MOXD1: variants seen among roughly 807,000 people sequenced by gnomAD.
The protein encoded by MOXD1 is monooxygenase DBH like 1, also known as DBH-like monooxygenase protein 1.
MOXD1 carries 62 observed loss-of-function variants against 66.6 expected under a neutral mutation model. The observed-to-expected ratio is 0.93, with a 90% CI of 0.76 to 1.15. The LOEUF is 1.15. MOXD1 is among the 50% of genes most tolerant of loss of function. MOXD1 has a pLI of 0.00. For synonymous variants in MOXD1, 303 were observed against 281.9 expected (o/e 1.07, Z -0.75); for missense variants, 847 against 754.6 (o/e 1.12, Z -1.44).
intron 1 of MOXD1, among the ~76,000 whole-genome samples, chr6:132,385,463 TTA>T (rs1477306003): frequency 1.2e-5 from 1 of 85,674 alleles, no homozygotes; most frequent in African/African-American, 9.7e-5. Context: ...TATACTGAAA[TTA>T]TTATTATTAT....
At position 132,374,451 on chromosome 6, in the gene MOXD1, A is replaced by G. The variant is rs565492082; in HGVS notation, c.411+180T>C. Among the ~76,000 whole-genome samples, 356 of 151,468 alleles carry G rather than the reference A, an allele frequency of 2.4e-3. 1 individual carries two copies. Among genetic ancestry groups the G allele is most frequent in the Non-Finnish European group, 4.2e-3 (283 of 67,954 alleles). ...TTTATTGAAATTTTTGGTCTTACAC[A>G]TTTTTGGCTTCTAAAAAAGTAAAAA... is the stretch of plus-strand genomic sequence containing the variant. On this transcript the variant is annotated intron_variant, in intron 2 of 11. Transcript: ENST00000367963.
At chr6:132,326,618 A>C (rs1007062542) in intron 6 of MOXD1, among the ~76,000 whole-genome samples, 2 of 152,188 alleles carry the variant, frequency 1.3e-5, no homozygotes, top group African/African-American at 4.8e-5. Flanking sequence ...TTATAGTCAC[A>C]TATGATTTCA....
chr6:132,314,907 G>A (rs1033581234), intron 10 of MOXD1, among the ~76,000 whole-genome samples: 5 of 152,014 alleles, frequency 3.3e-5, no homozygotes, highest in East Asian at 1.9e-4. Context: ...TAATTGTACC[G>A]AAAGAGAACA....
In MOXD1 at chr6:132,345,008, A is replaced by G. The variant is rs570872985; in HGVS notation, c.664-16414T>C. Among the ~76,000 whole-genome samples the G allele has an allele frequency of 1.1e-3, 166 of 152,266 alleles. 1 individual carries two copies. Among genetic ancestry groups the G allele is most frequent in the Admixed American group, 1.8e-3 (28 of 15,292 alleles). On this transcript the variant is annotated intron_variant, in intron 4 of 11. Transcript: ENST00000367963. ...CTATGTGACAGGAACCAGCTGCCCT[A>G]TGTGACAGGAACCAGCAGCAGAGCC...
At chr6:132,310,218 C>T (rs980430759) in intron 10 of MOXD1, among the ~76,000 whole-genome samples, 8 of 152,184 alleles carry the variant, frequency 5.3e-5, no homozygotes, top group Non-Finnish European at 7.4e-5. Context: ...CAAAAGAAGA[C>T]ATTTATGTGG....
At chr6:132,303,037 T>C (rs568196515) in intron 10 of MOXD1, among the ~76,000 whole-genome samples, 1 of 152,192 alleles carries the variant, frequency 6.6e-6, no homozygotes, top group East Asian at 1.9e-4. Flanking sequence ...CACACAAAAA[T>C]GTGTTCAAAA....
At position 132,374,624 on chromosome 6, in the gene MOXD1, G is replaced by T. The variant is rs1469959374; in HGVS notation, c.411+7C>A. The T allele has an allele frequency of 1.2e-6, 2 of 1,613,136 alleles. No individual in the cohort carries two copies. Among genetic ancestry groups the T allele is most frequent in the South Asian group, 1.1e-5 (1 of 91,020 alleles). ...TTCATGCATGCATTCACTCATAGATGCCTTACCGTTATACTCTTGTCATTT... is the reference window on the plus strand; with the variant it reads ...TTCATGCATGCATTCACTCATAGATTCCTTACCGTTATACTCTTGTCATTT... On this transcript the variant is annotated splice_region_variant and intron_variant, in intron 2 of 11. Transcript: ENST00000367963.
chr6:132,316,835 A>G (rs886177528), intron 9 of MOXD1, among the ~76,000 whole-genome samples: 1 of 152,184 alleles, frequency 6.6e-6, no homozygotes, highest in African/African-American at 2.4e-5. Context: ...GAGTTCTAGA[A>G]TGAGAGGAAG....
chr6:132,346,045 G>A (rs1206234204), intron 4 of MOXD1, among the ~76,000 whole-genome samples: 3 of 150,740 alleles, frequency 2.0e-5, no homozygotes, highest in African/African-American at 7.3e-5. Context: ...TTTTGTTGTT[G>A]TGTTGTTGTT....
At chr6:132,300,261 A>T (rs1258079446) in intron 10 of MOXD1, among the ~76,000 whole-genome samples, 2 of 152,174 alleles carry the variant, frequency 1.3e-5, no homozygotes, top group Non-Finnish European at 2.9e-5. Context: ...AAAATTAAAC[A>T]TATTGTGACA....
intron 4 of MOXD1, among the ~76,000 whole-genome samples, chr6:132,361,130 A>G (rs1242814671): frequency 6.6e-6 from 1 of 152,176 alleles, no homozygotes; most frequent in African/African-American, 2.4e-5. Flanking sequence ...TTTTCAGTGT[A>G]TGGTTCCTAA....
chr6:132,347,619 G>A (rs961850840), intron 4 of MOXD1, among the ~76,000 whole-genome samples: 2 of 151,814 alleles, frequency 1.3e-5, no homozygotes, highest in African/African-American at 4.8e-5. Context: ...GGAGGTTGTA[G>A]TGAGCCAAGA....
intron 9 of MOXD1, 97 bp from the exon 10 acceptor site, chr6:132,315,874 T>C: frequency 8.1e-7 from 1 of 1,230,134 alleles, no homozygotes; most frequent in Non-Finnish European, 1.1e-6. Context: ...CTTCCAATAT[T>C]AAAATTTAAT....
At chr6:132,396,993 G>C (rs1004389335) in intron 1 of MOXD1, among the ~76,000 whole-genome samples, 4 of 152,162 alleles carry the variant, frequency 2.6e-5, no homozygotes, top group Non-Finnish European at 4.4e-5. Flanking sequence ...CTTGAATCTA[G>C]TGGGCTTGTG....
intron 9 of MOXD1, among the ~76,000 whole-genome samples, chr6:132,317,251 A>T (rs1485139287): frequency 6.6e-6 from 1 of 152,192 alleles, no homozygotes; most frequent in Non-Finnish European, 1.5e-5. Context: ...ATTCTAAATT[A>T]ACCTAGGGGC....
chr6:132,393,358 T>C (rs1343628144), intron 1 of MOXD1, among the ~76,000 whole-genome samples: 1 of 152,034 alleles, frequency 6.6e-6, no homozygotes, highest in Admixed American at 6.5e-5. Context: ...TTTGAATAGA[T>C]CATCTGAGAG....
intron 4 of MOXD1, among the ~76,000 whole-genome samples, chr6:132,343,576 A>G (rs374743015): frequency 6.7e-6 from 1 of 149,842 alleles, no homozygotes; most frequent in South Asian, 2.1e-4. Flanking sequence ...CCCTGTATCA[A>G]AAAAAAAAAG....
chr6:132,362,766 G>A (rs549954487), intron 4 of MOXD1, among the ~76,000 whole-genome samples: 2 of 152,272 alleles, frequency 1.3e-5, no homozygotes, highest in East Asian at 3.9e-4. Flanking sequence ...GCTACAAGAC[G>A]TGTCCAATAA....
chr6:132,360,581 C>T (rs945714588), intron 4 of MOXD1, among the ~76,000 whole-genome samples: 6 of 90,368 alleles, frequency 6.6e-5, no homozygotes, highest in Non-Finnish European at 1.1e-4. Context: ...GGACTGTGCC[C>T]AAACAATCAC....
Sources: gnomAD v4.1 joint callset for allele counts (sites outside exome capture counted in the v4.1 genomes callset) on GRCh38, gnomAD v4.1.1 for gene constraint, MANE v1.5 for transcripts, NCBI Gene and HGNC (gene_info 2026-07-23, HGNC 2026-07-21) for gene names.